Variants in ZNF142 observed in about 807,000 individuals in gnomAD.
The protein encoded by ZNF142 is zinc finger protein 142 (clone pHZ-49).
Under a neutral mutation model 132.1 loss-of-function variants are expected in ZNF142, and 96 were observed. The ratio of observed to expected loss-of-function variants is 0.73; its 90% confidence interval spans 0.62 to 0.86. The LOEUF is 0.86. Among genes scored for constraint, ZNF142 ranks in the 40% least tolerant of loss-of-function variants. ZNF142 has a pLI of 0.00. For synonymous variants in ZNF142, 842 were observed against 890.1 expected, an observed-to-expected ratio of 0.95 and a Z score of 0.96; for missense variants, 2,163 against 2,336.2, an observed-to-expected ratio of 0.93 and a Z score of 1.53.
Position 218,634,613 on chromosome 2 carries a change from C to T in ZNF142, c.*3726G>A, listed in dbSNP as rs761762147. 1 of 1,613,782 alleles carries T rather than the reference C, an allele frequency of 6.2e-7. No individual in the cohort carries two copies. Among genetic ancestry groups the T allele is most frequent in the Admixed American group, 1.7e-5 (1 of 59,958 alleles). ...GAAGCCCATCAGCCCTTTCAAAGCCCAGACTCTCTTAATCCAGGTACAGTG... is the reference window on the plus strand; with the variant it reads ...GAAGCCCATCAGCCCTTTCAAAGCCTAGACTCTCTTAATCCAGGTACAGTG... On this transcript the variant is annotated 3_prime_UTR_variant, in exon 11 of 11. Coordinates refer to ENST00000411696, the MANE Select transcript of ZNF142 (RefSeq NM_001379659.1). This position sits in a 1 kb window ranked among gnomAD's most constrained non-coding sequence, Gnocchi z 4.0.
chr2:218,647,395 C>T (rs1218846123), intron 7 of ZNF142, among the ~76,000 whole-genome samples: 1 of 118,600 alleles, frequency 8.4e-6, no homozygotes, highest in Non-Finnish European at 1.7e-5. Context: ...TTTACTCCAG[C>T]CTGAGCAACA....
At chr2:218,655,088 C>T (rs1309723820) in intron 4 of ZNF142, among the ~76,000 whole-genome samples, 1 of 152,080 alleles carries the variant, frequency 6.6e-6, no homozygotes, top group Non-Finnish European at 1.5e-5. Flanking sequence ...GACCCTGTCT[C>T]AACAAAACCC....
chr2:218,640,966 A>G (rs567022230), intron 9 of ZNF142, among the ~76,000 whole-genome samples, 197 bp from the exon 10 acceptor site: 1 of 144,746 alleles, frequency 6.9e-6, no homozygotes. Context: ...ACAGGGTCTC[A>G]CTCTGTTGCC....
In ZNF142 at chr2:218,634,701, G is replaced by C; in HGVS notation, c.*3638C>G. Reference sequence around the variant, plus strand: ...TAGAAGTGAGGGAAGAGGTGGCTAGGCCTGACCGGAATGTAGAGGCCGGAT... The same window carrying C: ...TAGAAGTGAGGGAAGAGGTGGCTAGCCCTGACCGGAATGTAGAGGCCGGAT... On this transcript the variant is annotated 3_prime_UTR_variant, in exon 11 of 11. Coordinates refer to ENST00000411696, the MANE Select transcript of ZNF142 (RefSeq NM_001379659.1). The surrounding 1 kb of genome is among the most constrained non-coding windows in gnomAD (Gnocchi z 4.0). The C allele has an allele frequency of 6.5e-7, 1 of 1,533,398 alleles. No homozygotes were observed. Among genetic ancestry groups the C allele is most frequent in the Non-Finnish European group, 8.9e-7 (1 of 1,125,902 alleles). The allele number at this position is 1,533,398 out of a possible 1,614,324, so 95.0% of individuals were successfully genotyped here.
rs3731872 is a variant in ZNF142, at chr2:218,656,172, T to C, written c.258A>G (p.Pro86=). Residue 86 remains proline, a synonymous_variant, in exon 4 of 11, where the codon CCA becomes CCG. Transcript: ENST00000411696. The part of the protein sequence containing the change: ...IVETVAGTLT[P]GAPGETPGVL... The stretch of plus-strand genomic sequence containing the variant: ...TACCTGGGGTCTCTCCAGGAGCACC[T>C]GGGGTCAGGGTTCCAGCTACTGTCT... 0.046 allele frequency: 73,830 copies of C among 1,600,634 alleles called. 3,325 individuals carry two copies. The highest frequency in any genetic ancestry group is 0.23 in the African/African-American group (17,426 of 74,768).
At position 218,636,967 on chromosome 2, in the gene ZNF142, G is replaced by A. The variant is rs1696799887; in HGVS notation, c.*1372C>T. ...GCTTGGAATAGAGAAACCTAAAGAA[G>A]CATCATCCCCTCCATCCCCAACTTC... On this transcript the variant is annotated 3_prime_UTR_variant, in exon 11 of 11. Transcript: ENST00000411696. The A allele has an allele frequency of 2.2e-6, 1 of 455,524 alleles. No homozygotes were observed. The allele number at this position is 455,524 out of a possible 1,614,324, so 28.2% of individuals were successfully genotyped here.
chr2:218,653,512 T>G (rs981284927), intron 4 of ZNF142, among the ~76,000 whole-genome samples: 3 of 151,850 alleles, frequency 2.0e-5, no homozygotes, highest in Admixed American at 1.3e-4. Flanking sequence ...GGGAGGTGGG[T>G]TGCAGCGAGC....
chr2:218,655,877 C>CCT (rs1238680928), intron 4 of ZNF142, among the ~76,000 whole-genome samples: 1 of 152,060 alleles, frequency 6.6e-6, no homozygotes, highest in African/African-American at 2.4e-5. Flanking sequence ...CAGGATTGGG[C>CCT]GGAGGTGTCA....
intron 6 of ZNF142, among the ~76,000 whole-genome samples, chr2:218,650,024 G>A (rs1937832446): frequency 6.6e-6 from 1 of 152,146 alleles, no homozygotes; most frequent in African/African-American, 2.4e-5. Flanking sequence ...GTATTTGAGG[G>A]CTCAGTGCCA....
At position 218,642,892 on chromosome 2, in the gene ZNF142, C is replaced by G. The variant is rs371886564; in HGVS notation, c.4224G>C (p.Ser1408=). Reference sequence around the variant, plus strand: ...CCTCTAACCGGTACCGTCTGGTGGTCGAAAAGTCACAGAAGGGGCACTGAT... The same window carrying G: ...CCTCTAACCGGTACCGTCTGGTGGTGGAAAAGTCACAGAAGGGGCACTGAT... ...KPHQCPFCDF[S]TTRRYRLEAH... The change falls in exon 9 of 11, where the codon TCG becomes TCC. Residue 1408 remains serine, a synonymous_variant. Transcript: ENST00000411696. The surrounding 1 kb of genome is among the most constrained non-coding windows in gnomAD (Gnocchi z 4.6). 1.1e-5 allele frequency: 17 copies of G among 1,614,008 alleles called. No individual in the cohort carries two copies. Among genetic ancestry groups the G allele is most frequent in the Non-Finnish European group, 1.4e-5 (16 of 1,180,040 alleles).
At position 218,642,451 on chromosome 2, in the gene ZNF142, C is replaced by T; in HGVS notation, c.4665G>A (p.Glu1555=). The T allele has an allele frequency of 3.7e-6, 6 of 1,612,336 alleles. No homozygotes were observed. Among genetic ancestry groups the T allele is most frequent in the Non-Finnish European group, 3.4e-6 (4 of 1,179,440 alleles). Residue 1555 remains glutamate (E), a synonymous_variant, in exon 9 of 11, where the codon GAG becomes GAA. Coordinates refer to ENST00000411696, the MANE Select transcript of ZNF142 (RefSeq NM_001379659.1). The surrounding 1 kb of genome is among the most constrained non-coding windows in gnomAD (Gnocchi z 4.6). ...GGAAGGCCTCCTGGCAGGCCCCACACTCAAGCCGTGGGTGCTGTTTACGGG... is the reference window on the plus strand; with the variant it reads ...GGAAGGCCTCCTGGCAGGCCCCACATTCAAGCCGTGGGTGCTGTTTACGGG... ...GHTRKQHPRL[E]CGACQEAFPS...
intron 8 of ZNF142, among the ~76,000 whole-genome samples, chr2:218,645,410 C>A (rs1298475995): frequency 6.6e-6 from 1 of 152,190 alleles, no homozygotes; most frequent in South Asian, 2.1e-4. Flanking sequence ...AAGGAACTGA[C>A]GTGGCTACAA....
intron 7 of ZNF142, among the ~76,000 whole-genome samples, 184 bp downstream of exon 7, chr2:218,648,451 A>C (rs879464501): frequency 3.9e-5 from 6 of 152,266 alleles, no homozygotes; most frequent in Non-Finnish European, 5.9e-5. Flanking sequence ...CATGGATTCA[A>C]ATCCTAGCTC....
In ZNF142 at chr2:218,648,232, T is replaced by C. The variant is rs539346905; in HGVS notation, c.1873+403A>G. Reference sequence around the variant, plus strand: ...GATGCCCAAGTTATAGAAGGCCATATGCGTGTGGATGGCTCAGTCCCCTCG... The same window carrying C: ...GATGCCCAAGTTATAGAAGGCCATACGCGTGTGGATGGCTCAGTCCCCTCG... On this transcript the variant is annotated intron_variant, in intron 7 of 10. Transcript: ENST00000411696. 1.4e-4 allele frequency among the ~76,000 whole-genome samples: 22 copies of C among 152,384 alleles called. No individual in the cohort carries two copies. The East Asian group carries it at 4.0e-3, about 28-fold the overall frequency.
intron 4 of ZNF142, among the ~76,000 whole-genome samples, chr2:218,654,800 T>C (rs1026488173): frequency 6.6e-6 from 1 of 151,694 alleles, no homozygotes; most frequent in Non-Finnish European, 1.5e-5. Context: ...AAAAAAAGGT[T>C]TCTGCTGGGT....
rs1696601605 is a variant in ZNF142, at chr2:218,634,580, C to T, written c.*3759G>A. 6.2e-7 allele frequency: 1 copy of T among 1,614,062 alleles called. No individual in the cohort carries two copies. Among genetic ancestry groups the T allele is most frequent in the Admixed American group, 1.7e-5 (1 of 60,028 alleles). ...CCTGCGTGATATCCAGAGTTCTTTC[C>T]ACCCTGAGAAGCCCATCAGCCCTTT... On this transcript the variant is annotated 3_prime_UTR_variant, in exon 11 of 11. Coordinates refer to ENST00000411696, the MANE Select transcript of ZNF142 (RefSeq NM_001379659.1). The surrounding 1 kb of genome is among the most constrained non-coding windows in gnomAD (Gnocchi z 4.0).
At chr2:218,647,512 CAG>C (rs530816390) in intron 7 of ZNF142, among the ~76,000 whole-genome samples, 163 of 146,128 alleles carry the variant, frequency 1.1e-3, no homozygotes, top group Non-Finnish European at 2.1e-3. Context: ...GATAGGGAAA[CAG>C]AGGCACAGAG....
intron 3 of ZNF142, among the ~76,000 whole-genome samples, chr2:218,657,304 C>A (rs1373928859): frequency 6.6e-6 from 1 of 152,218 alleles, no homozygotes; most frequent in Non-Finnish European, 1.5e-5. Flanking sequence ...CTTTCATACC[C>A]TCACAGCCTT....
At position 218,643,324 on chromosome 2, in the gene ZNF142, G is replaced by T; in HGVS notation, c.3792C>A (p.Thr1264=). The change falls in exon 9 of 11, where the codon ACC becomes ACA. Residue 1264 remains threonine (T), a synonymous_variant. Transcript: ENST00000411696. ...TGCTCAACGGGGACACATCAGGCTGGGTCTGGGGGGTCCCTCGTTTTCCTC... is the reference window on the plus strand; with the variant it reads ...TGCTCAACGGGGACACATCAGGCTGTGTCTGGGGGGTCCCTCGTTTTCCTC... ...GGGGKRGTPQ[T]QPDVSPLSNG... is the part of the protein sequence containing the mutation. The T allele has an allele frequency of 6.2e-7, 1 of 1,614,168 alleles. No homozygotes were observed. The highest frequency in any genetic ancestry group is 8.5e-7 in the Non-Finnish European group (1 of 1,180,028).
Sources: gnomAD v4.1 joint callset for allele counts (sites outside exome capture counted in the v4.1 genomes callset) on GRCh38, gnomAD v4.1.1 for gene constraint, Gnocchi (gnomAD v3.1) non-coding constraint, MANE v1.5 for transcripts, NCBI Gene and HGNC (gene_info 2026-07-23, HGNC 2026-07-21) for gene names.